INTS2: variants seen among roughly 807,000 people sequenced by gnomAD.
INTS2 encodes KIAA1287.
A neutral mutation model predicts 139.6 loss-of-function variants in INTS2; 57 were observed. That is an observed-to-expected ratio of 0.41 (90% CI 0.33 to 0.51). The LOEUF (loss-of-function observed/expected upper bound fraction) is 0.51. INTS2 is among the 20% of genes least tolerant of loss of function. INTS2 has a pLI of 0.28. For synonymous variants in INTS2, 473 were observed against 493.4 expected, an observed-to-expected ratio of 0.96 and a Z score of 0.55; for missense variants, 1,196 against 1,436.7, an observed-to-expected ratio of 0.83 and a Z score of 2.71.
intron 3 of INTS2, among the ~76,000 whole-genome samples, chr17:61,922,543 T>TATATATATATATAC (rs1240177230): frequency 6.2e-4 from 78 of 125,610 alleles, no homozygotes; most frequent in African/African-American, 2.1e-3. Context: ...TATATATATA[T>TATATATATATATAC]ATACGTGTTC....
At chr17:61,888,125 C>T (rs2079248274) in intron 15 of INTS2, among the ~76,000 whole-genome samples, 1 of 151,978 alleles carries the variant, frequency 6.6e-6, no homozygotes, top group African/African-American at 2.4e-5. Context: ...AATCCCAGCA[C>T]TTTGGGAGGC....
At position 61,927,939 on chromosome 17, in the gene INTS2, A is replaced by G; in HGVS notation, c.-304T>C. The G allele has an allele frequency of 6.2e-7, 1 of 1,613,980 alleles. No homozygotes were observed. Among genetic ancestry groups the G allele is most frequent in the Non-Finnish European group, 8.5e-7 (1 of 1,179,886 alleles). On this transcript the variant is annotated 5_prime_UTR_variant, in exon 1 of 25. An upstream start codon of the reference 5' UTR is lost. Coordinates refer to ENST00000251334, the MANE Select transcript of INTS2 (RefSeq NM_001351695.2). ...TTTTCAACCTGCACCCAGCACCTTC[A>G]TTCATCCCCAGCGTCTGACTCCCGT...
rs139216883 is a variant in INTS2, at chr17:61,903,262, C to T, written c.1307+1198G>A. Among the ~76,000 whole-genome samples, 21 of 148,954 alleles carry T rather than the reference C, an allele frequency of 1.4e-4. No homozygotes were observed. The East Asian group carries it at 4.2e-3, about 30-fold the overall frequency. On this transcript the variant is annotated intron_variant, in intron 9 of 24. Transcript: ENST00000251334. ...CAAAGACAGGAGTCGCACTATGTTG[C>T]CCCAGCTGGCCTCGAACTCATAGCC...
At chr17:61,926,118 G>A (rs762707272) in intron 2 of INTS2, among the ~76,000 whole-genome samples, 42 of 152,018 alleles carry the variant, frequency 2.8e-4, no homozygotes, top group Non-Finnish European at 4.9e-4. Flanking sequence ...GAAAGTAATT[G>A]GCCTAATGAG....
At position 61,868,254 on chromosome 17, in the gene INTS2, A is replaced by G. The variant is rs1319691882; in HGVS notation, c.3245-245T>C. ...TTCATTGAATTCCTACAATCTTATGAATGACCAAAGTACTATTATGACACT... is the reference window on the plus strand; with the variant it reads ...TTCATTGAATTCCTACAATCTTATGGATGACCAAAGTACTATTATGACACT... On this transcript the variant is annotated intron_variant, in intron 23 of 24. Coordinates refer to ENST00000251334, the MANE Select transcript of INTS2 (RefSeq NM_001351695.2). The surrounding 1 kb of genome is among the most constrained non-coding windows in gnomAD (Gnocchi z 4.7). Among the ~76,000 whole-genome samples the G allele has an allele frequency of 6.6e-6, 1 of 152,184 alleles. No homozygotes were observed. The highest frequency in any genetic ancestry group is 1.5e-5 in the Non-Finnish European group (1 of 68,004).
chr17:61,902,146 A>G (rs1293393702), intron 9 of INTS2, among the ~76,000 whole-genome samples: 1 of 152,052 alleles, frequency 6.6e-6, no homozygotes, highest in Non-Finnish European at 1.5e-5. Context: ...TTAATATAGA[A>G]ACTCGTAGGA....
At chr17:61,905,395 C>T (rs532039004) in intron 8 of INTS2, among the ~76,000 whole-genome samples, 32 of 152,302 alleles carry the variant, frequency 2.1e-4, no homozygotes, top group Admixed American at 1.2e-3. Context: ...GGCACAATCT[C>T]GGCTCACTGC....
intron 8 of INTS2, among the ~76,000 whole-genome samples, chr17:61,906,490 G>A (rs778603946): frequency 1.3e-5 from 2 of 152,120 alleles, no homozygotes; most frequent in Non-Finnish European, 2.9e-5. Context: ...TTAGTGATCT[G>A]TGTCCTGAGG....
chr17:61,914,958 C>T (rs1028822747), intron 5 of INTS2, among the ~76,000 whole-genome samples: 2 of 151,838 alleles, frequency 1.3e-5, no homozygotes, highest in Non-Finnish European at 2.9e-5. Flanking sequence ...AATCCCAGCA[C>T]TTTGGAAGGC....
chr17:61,918,042 A>G (rs2079600834), intron 5 of INTS2, among the ~76,000 whole-genome samples: 2 of 152,230 alleles, frequency 1.3e-5, no homozygotes, highest in Non-Finnish European at 2.9e-5. Context: ...GAACAAAAAG[A>G]AGAAATAGGC....
Position 61,893,803 on chromosome 17 carries a change from T to A in INTS2, c.1660A>T (p.Arg554Trp). The A allele has an allele frequency of 6.3e-7, 1 of 1,588,282 alleles. No individual in the cohort carries two copies. Among genetic ancestry groups the A allele is most frequent in the Non-Finnish European group, 8.6e-7 (1 of 1,166,168 alleles). Residue 554 changes from arginine (R) to tryptophan (W), a missense_variant, in exon 13 of 25, where the codon AGG becomes TGG. This residue lies in a region of INTS2 where 1,129 missense variants were observed against 1,341.9 expected (regional missense o/e 0.84). Coordinates refer to ENST00000251334, the MANE Select transcript of INTS2 (RefSeq NM_001351695.2). This position sits in a 1 kb window ranked among gnomAD's most constrained non-coding sequence, Gnocchi z 5.4. ...TTGTGCTTGGTAAAGGAACGGCTCCTGAGAAGCTGGTAAATACAATGAATA... is the reference window on the plus strand; with the variant it reads ...TTGTGCTTGGTAAAGGAACGGCTCCAGAGAAGCTGGTAAATACAATGAATA... ...LPIHCIYQLL[R>W]SRSFTKHKVS...
At chr17:61,886,837 G>T (rs891976134) in intron 15 of INTS2, among the ~76,000 whole-genome samples, 1 of 152,098 alleles carries the variant, frequency 6.6e-6, no homozygotes, top group African/African-American at 2.4e-5. Flanking sequence ...TTTTATTAAG[G>T]ACAAGAAGTA....
Position 61,867,664 on chromosome 17 carries a change from T to C in INTS2, c.3484A>G (p.Lys1162Glu). ...WSQICKDSSYKNGSRDTGSMD... is the reference protein window; with the variant it reads ...WSQICKDSSYENGSRDTGSMD... The stretch of plus-strand genomic sequence containing the variant: ...CTTCCAGTGTCCCTGGATCCATTTT[T>C]ATAAGATGAATCTTTACAGATTTGA... The change falls in exon 25 of 25, where the codon AAA becomes GAA. Residue 1162 changes from lysine to glutamate, a missense_variant. Physicochemically the swap from Lys to Glu is moderately conservative, Grantham distance 56 (BLOSUM62 1). This residue lies in a region of INTS2 where 1,129 missense variants were observed against 1,341.9 expected (regional missense o/e 0.84). Coordinates refer to ENST00000251334, the MANE Select transcript of INTS2 (RefSeq NM_001351695.2). This position sits in a 1 kb window ranked among gnomAD's most constrained non-coding sequence, Gnocchi z 5.6. 3.1e-6 allele frequency: 5 copies of C among 1,612,956 alleles called. No individual in the cohort carries two copies. The highest frequency in any genetic ancestry group is 4.2e-6 in the Non-Finnish European group (5 of 1,179,126).
intron 7 of INTS2, chr17:61,910,177 T>C (rs2079511734): frequency 6.6e-6 from 1 of 152,150 alleles, no homozygotes; most frequent in Non-Finnish European, 1.5e-5. Flanking sequence ...TTACTTCAGG[T>C]AGCCAGAAAG....
chr17:61,900,146 C>T (rs2143035038), intron 9 of INTS2, among the ~76,000 whole-genome samples: 1 of 152,256 alleles, frequency 6.6e-6, no homozygotes, highest in Admixed American at 6.5e-5. Context: ...TGGAAACGGA[C>T]TCAGCAGACC....
chr17:61,923,401 C>CGGGAGGCGGAGCTTGCA lies in INTS2; in HGVS notation c.432+1543_432+1559dup, dbSNP rs1186255921. Among the ~76,000 whole-genome samples the CGGGAGGCGGAGCTTGCA allele has an allele frequency of 3.5e-3, 478 of 138,054 alleles. 1 individual carries two copies. The highest frequency in any genetic ancestry group is 0.012 in the African/African-American group (432 of 36,938). 90.6% of individuals were successfully genotyped at this position (138,054 alleles called of 152,430 possible). A position where few individuals can be genotyped will look rare whatever the true frequency, so the allele number is the denominator to read the frequency against. On this transcript the variant is annotated intron_variant, in intron 3 of 24. Coordinates refer to ENST00000251334, the MANE Select transcript of INTS2 (RefSeq NM_001351695.2). ...CTGAGACAGGAGAATGGTGTGAACCCGGGAGGCGGAGCTTGCAGTGAGCCG... is the reference window on the plus strand; with the variant it reads ...CTGAGACAGGAGAATGGTGTGAACCCGGGAGGCGGAGCTTGCAGGGAGGCGGAGCTTGCAGTGAGCCG...
At chr17:61,881,453 C>T (rs780890598) in intron 16 of INTS2, among the ~76,000 whole-genome samples, 2 of 152,054 alleles carry the variant, frequency 1.3e-5, no homozygotes, top group South Asian at 2.1e-4. Context: ...AAATATTAGC[C>T]GGGCGTGTTG....
At chr17:61,881,289 CAG>C in intron 16 of INTS2, 118 bp from the exon 17 acceptor site, 1 of 786,858 alleles carries the variant, frequency 1.3e-6, no homozygotes, top group East Asian at 2.8e-5. Flanking sequence ...TGCTCTAAGT[CAG>C]TGTTTCTCAA....
In INTS2 at chr17:61,884,898, T is replaced by A; in HGVS notation, c.2089+3A>T. 1 of 1,578,976 alleles carries A rather than the reference T, an allele frequency of 6.3e-7. No individual in the cohort carries two copies. The highest frequency in any genetic ancestry group is 1.3e-5 in the African/African-American group (1 of 74,128). The stretch of plus-strand genomic sequence containing the variant: ...TAGCAGTAAAAAGCAAAATAAAACA[T>A]ACCTCCCAACTCCTGCTGCAGCCCT... On this transcript the variant is annotated splice_donor_region_variant and intron_variant, in intron 16 of 24. Coordinates refer to ENST00000251334, the MANE Select transcript of INTS2 (RefSeq NM_001351695.2).
Sources: gnomAD v4.1 joint callset for allele counts (sites outside exome capture counted in the v4.1 genomes callset) on GRCh38, gnomAD v4.1.1 for gene constraint, gnomAD v4.1.1 regional missense constraint, Gnocchi (gnomAD v3.1) non-coding constraint, MANE v1.5 for transcripts, NCBI Gene and HGNC (gene_info 2026-07-23, HGNC 2026-07-21) for gene names.